FRMD4A: variants seen among roughly 807,000 people sequenced by gnomAD.
The protein encoded by FRMD4A is FERM domain containing 4A.
Under a neutral mutation model 129.1 loss-of-function variants are expected in FRMD4A, and 29 were observed. That is an observed-to-expected ratio of 0.22 (90% CI 0.17 to 0.31). FRMD4A has a LOEUF of 0.31. Ranked by LOEUF, FRMD4A falls within the 10% of genes least tolerant of loss-of-function variation. The pLI is 1.00. For synonymous variants in FRMD4A, 634 were observed against 571.6 expected, an observed-to-expected ratio of 1.11 and a Z score of -1.56; for missense variants, 1,272 against 1,375.8, an observed-to-expected ratio of 0.92 and a Z score of 1.19.
At chr10:13,703,620 G>GT (rs1564649788) in intron 13 of FRMD4A, among the ~76,000 whole-genome samples, 1 of 152,206 alleles carries the variant, frequency 6.6e-6, no homozygotes, top group Admixed American at 6.5e-5. Flanking sequence ...CCAAACTAAC[G>GT]TGAGGCCAAT....
At chr10:14,016,166 C>T (rs1391809835) in intron 2 of FRMD4A, among the ~76,000 whole-genome samples, 1 of 152,230 alleles carries the variant, frequency 6.6e-6, no homozygotes, top group Non-Finnish European at 1.5e-5. Context: ...GTAGACCTGG[C>T]CCTCTTCCAG....
Position 14,158,929 on chromosome 10 carries a change from T to C in FRMD4A, c.45+171129A>G, listed in dbSNP as rs142567443. ...ATGTGGATGAAGAGGAAAAAACAAA[T>C]ACATGATATCTTGAAGAAAGGAAGT... On this transcript the variant is annotated intron_variant, in intron 2 of 24. Transcript: ENST00000357447. 2.9e-3 allele frequency among the ~76,000 whole-genome samples: 438 copies of C among 151,118 alleles called. 1 individual carries two copies. The highest frequency in any genetic ancestry group is 4.6e-3 in the Non-Finnish European group (310 of 67,826).
intron 2 of FRMD4A, among the ~76,000 whole-genome samples, chr10:14,196,482 A>G (rs1365726204): frequency 1.3e-5 from 2 of 152,228 alleles, no homozygotes; most frequent in Non-Finnish European, 2.9e-5. Context: ...GCTAATGTTC[A>G]ATTTAAATGA....
At chr10:14,279,048 G>C (rs1589258095) in intron 2 of FRMD4A, among the ~76,000 whole-genome samples, 2 of 152,130 alleles carry the variant, frequency 1.3e-5, no homozygotes, top group East Asian at 3.9e-4. Flanking sequence ...CCGTTTCAGG[G>C]AATGTTGAGC....
intron 12 of FRMD4A, among the ~76,000 whole-genome samples, chr10:13,713,181 G>A (rs2088217800): frequency 1.3e-5 from 2 of 152,176 alleles, no homozygotes; most frequent in South Asian, 4.1e-4. Context: ...TTTCATCCAG[G>A]GGGGCTATTA....
chr10:14,288,758 C>G (rs1845760995), intron 2 of FRMD4A, among the ~76,000 whole-genome samples: 1 of 152,082 alleles, frequency 6.6e-6, no homozygotes, highest in African/African-American at 2.4e-5. Context: ...AACTTTATAT[C>G]TGGTAAACAG....
chr10:13,958,985 T>G (rs953320477), intron 2 of FRMD4A, among the ~76,000 whole-genome samples: 1 of 152,202 alleles, frequency 6.6e-6, no homozygotes, highest in Non-Finnish European at 1.5e-5. Context: ...AGGGATTACA[T>G]TGGACTAAGT....
intron 2 of FRMD4A, among the ~76,000 whole-genome samples, chr10:14,213,107 C>T (rs1231075948): frequency 2.0e-5 from 3 of 151,842 alleles, no homozygotes; most frequent in African/African-American, 7.3e-5. Context: ...TGTCACCACA[C>T]CTGGTATGTG....
chr10:14,126,242 C>T (rs1589030587), intron 2 of FRMD4A, among the ~76,000 whole-genome samples: 1 of 139,488 alleles, frequency 7.2e-6, no homozygotes, highest in East Asian at 2.2e-4. Flanking sequence ...GCGATCTTGG[C>T]TCAGTGCAAC....
intron 2 of FRMD4A, among the ~76,000 whole-genome samples, chr10:13,888,555 A>G (rs1185776317): frequency 6.6e-6 from 1 of 152,214 alleles, no homozygotes; most frequent in East Asian, 1.9e-4. Context: ...GTTTTAGCTC[A>G]AGGGGAATAT....
chr10:13,743,040 G>A (rs2091097516), intron 9 of FRMD4A, among the ~76,000 whole-genome samples: 1 of 152,126 alleles, frequency 6.6e-6, no homozygotes, highest in South Asian at 2.1e-4. Flanking sequence ...ACAGTGAGAG[G>A]TCTTGATAAA....
In FRMD4A at chr10:13,657,508, C is replaced by T; in HGVS notation, c.2081G>A (p.Ser694Asn). Residue 694 changes from serine (S) to asparagine (N), a missense_variant, in exon 22 of 25, where the codon AGC (serine) becomes AAC (asparagine). By Grantham distance (46) the Ser-to-Asn change is conservative. Transcript: ENST00000357447. ...TGCGAGGCTGTGCAGTCGGGTGGGGCTGATGTCCACCGACCTGCCGGGAGA... is the reference window on the plus strand; with the variant it reads ...TGCGAGGCTGTGCAGTCGGGTGGGGTTGATGTCCACCGACCTGCCGGGAGA... ...YVHSTRSVDI[S>N]PTRLHSLALH... is the part of the protein sequence containing the mutation. The T allele has an allele frequency of 3.1e-6, 5 of 1,590,368 alleles. No homozygotes were observed. Among genetic ancestry groups the T allele is most frequent in the Non-Finnish European group, 4.3e-6 (5 of 1,170,528 alleles).
At chr10:14,040,667 G>T (rs1289150889) in intron 2 of FRMD4A, among the ~76,000 whole-genome samples, 1 of 152,178 alleles carries the variant, frequency 6.6e-6, no homozygotes, top group Non-Finnish European at 1.5e-5. Context: ...TCCACCTGCA[G>T]TTAGGGTTCT....
chr10:13,810,114 A>T (rs2093421094), intron 4 of FRMD4A, among the ~76,000 whole-genome samples: 1 of 152,164 alleles, frequency 6.6e-6, no homozygotes, highest in Non-Finnish European at 1.5e-5. Flanking sequence ...TGTGTTTGTG[A>T]CTGTACGTGT....
chr10:14,168,865 G>A (rs957763423), intron 2 of FRMD4A, among the ~76,000 whole-genome samples: 1 of 152,090 alleles, frequency 6.6e-6, no homozygotes, highest in African/African-American at 2.4e-5. Context: ...GTCTGTCTGG[G>A]GATAAGCCAT....
chr10:13,916,552 G>C (rs759061897), intron 2 of FRMD4A, among the ~76,000 whole-genome samples: 2 of 152,182 alleles, frequency 1.3e-5, no homozygotes, highest in African/African-American at 2.4e-5. Flanking sequence ...GTTCAGAGCA[G>C]GTGTTATACC....
chr10:13,718,793 G>A (rs554478588), intron 12 of FRMD4A, among the ~76,000 whole-genome samples: 1 of 152,250 alleles, frequency 6.6e-6, no homozygotes, highest in East Asian at 1.9e-4. Flanking sequence ...CCCTGGTCTG[G>A]GCCAGTTCTC....
intron 2 of FRMD4A, among the ~76,000 whole-genome samples, chr10:13,943,820 T>G (rs4503424): frequency 0.16 from 24,845 of 152,076 alleles, 2,237 homozygotes; most frequent in Non-Finnish European, 0.2. Context: ...TTAAAAATAC[T>G]TGGTATGGAA....
intron 5 of FRMD4A, among the ~76,000 whole-genome samples, chr10:13,785,771 TA>T (rs1379757634): frequency 2.4e-5 from 3 of 127,540 alleles, no homozygotes; most frequent in East Asian, 2.6e-4. Flanking sequence ...TCCCTCCCCC[TA>T]CCCCCCACCC....
Sources: gnomAD v4.1 joint callset for allele counts (sites outside exome capture counted in the v4.1 genomes callset) on GRCh38, gnomAD v4.1.1 for gene constraint, MANE v1.5 for transcripts, NCBI Gene and HGNC (gene_info 2026-07-23, HGNC 2026-07-21) for gene names.